The following OPRM1 variants were observed in gnomAD, a reference collection of about 807,000 sequenced individuals.
OPRM1 encodes opioid receptor mu 1.
Under a neutral mutation model 31.8 loss-of-function variants are expected in OPRM1, and 27 were observed. The ratio of observed to expected loss-of-function variants is 0.85; its 90% CI spans 0.63 to 1.17. OPRM1 has a LOEUF of 1.17. Among genes scored for constraint, OPRM1 ranks in the 50% most tolerant of loss-of-function variants. The probability of loss-of-function intolerance (pLI) is 0.00; values close to 1 mark genes in which losing one functional copy is unlikely to be tolerated. For missense variants in OPRM1, 536 were observed against 511.1 expected, an observed-to-expected ratio of 1.05 and a Z score of -0.47; for synonymous variants, 196 against 189.9, an observed-to-expected ratio of 1.03 and a Z score of -0.26.
At position 154,048,198 on chromosome 6, in the gene OPRM1, A is replaced by G. The variant is rs527319180; in HGVS notation, c.290+8364A>G. On this transcript the variant is annotated intron_variant, in intron 1 of 3. Coordinates refer to ENST00000330432, the MANE Select transcript of OPRM1 (RefSeq NM_000914.5). ...CACTGAAAACCATTAGTGTGATTTA[A>G]ATTAACGTTTACGTAAATTAGGCCA... Among the ~76,000 whole-genome samples the G allele has an allele frequency of 1.6e-4, 25 of 152,336 alleles. 1 individual carries two copies. The highest frequency in any genetic ancestry group is 1.2e-3 in the Admixed American group (19 of 15,298).
intron 1 of OPRM1, among the ~76,000 whole-genome samples, chr6:154,054,367 C>CAAAAAA (rs1194794442): frequency 1.9e-5 from 1 of 53,040 alleles, no homozygotes; most frequent in Non-Finnish European, 4.1e-5. Flanking sequence ...GACTCCGTCT[C>CAAAAAA]AAAAAAAAAA....
intron 3 of OPRM1, among the ~76,000 whole-genome samples, chr6:154,146,210 G>A (rs966741263): frequency 6.6e-6 from 1 of 152,226 alleles, no homozygotes; most frequent in Non-Finnish European, 1.5e-5. Flanking sequence ...GACCAGCCTG[G>A]CTAACATGGT....
chr6:154,166,189 C>G (rs960867236), intron 3 of OPRM1, among the ~76,000 whole-genome samples: 1 of 152,256 alleles, frequency 6.6e-6, no homozygotes, highest in Non-Finnish European at 1.5e-5. Flanking sequence ...ATAACCGATA[C>G]ACTGACAGAA....
intron 3 of OPRM1, among the ~76,000 whole-genome samples, chr6:154,173,421 G>GA (rs571327714): frequency 2.0e-5 from 3 of 151,994 alleles, no homozygotes; most frequent in African/African-American, 7.2e-5. Context: ...TAAAAACCTT[G>GA]AAAAAAAGAT....
intron 3 of OPRM1, among the ~76,000 whole-genome samples, chr6:154,194,674 G>A (rs761458013): frequency 1.3e-5 from 2 of 152,082 alleles, no homozygotes; most frequent in Non-Finnish European, 2.9e-5. Flanking sequence ...AGGAAAAATT[G>A]TAGGAAGTAG....
chr6:154,069,894 TGCA>T (rs1434739892), intron 1 of OPRM1, among the ~76,000 whole-genome samples: 33 of 152,200 alleles, frequency 2.2e-4, no homozygotes, highest in Admixed American at 1.3e-4. Flanking sequence ...TCCTTGTATA[TGCA>T]GTTGCTTTTG....
intron 1 of OPRM1, among the ~76,000 whole-genome samples, chr6:154,070,371 G>A (rs1342924621): frequency 6.6e-6 from 1 of 152,214 alleles, no homozygotes; most frequent in Non-Finnish European, 1.5e-5. Flanking sequence ...GACAGACTAT[G>A]CCAATGCAGT....
rs34786795 is a variant in OPRM1, at chr6:154,019,182, CT to C, written c.-1+8179del. 4.7e-3 allele frequency among the ~76,000 whole-genome samples: 599 copies of C among 126,814 alleles called. 1 individual carries two copies. Among genetic ancestry groups the C allele is most frequent in the Middle Eastern group, 0.022 (5 of 230 alleles). The allele number at this position is 126,814 out of a possible 152,430, so 83.2% of individuals were successfully genotyped here. ...GATTGACTGTAGTCACCCTGTTGTG[CT>C]TTTTTTTTTTTTTTGGCTTACTGAT... On this transcript the variant is annotated intron_variant, in intron 1 of 5. Transcript: ENST00000434900.
At chr6:154,061,264 A>G (rs1006871980) in intron 1 of OPRM1, among the ~76,000 whole-genome samples, 3 of 152,110 alleles carry the variant, frequency 2.0e-5, no homozygotes, top group African/African-American at 7.2e-5. Context: ...ACAAATTTGG[A>G]ATAATTGCAA....
chr6:154,171,915 A>G (rs1043534053), intron 3 of OPRM1, among the ~76,000 whole-genome samples: 1 of 152,250 alleles, frequency 6.6e-6, no homozygotes, highest in African/African-American at 2.4e-5. Context: ...ATAAACACAT[A>G]GCTTTCAATA....
intron 1 of OPRM1, among the ~76,000 whole-genome samples, chr6:154,066,071 G>C (rs895305761): frequency 2.0e-5 from 3 of 152,072 alleles, no homozygotes; most frequent in Admixed American, 1.3e-4. Context: ...ATATTACATT[G>C]ATTGGTATTC....
intron 3 of OPRM1, among the ~76,000 whole-genome samples, chr6:154,099,692 G>C (rs1794189738): frequency 1.8e-5 from 1 of 55,650 alleles, no homozygotes; most frequent in African/African-American, 7.9e-5. Context: ...TATATGATGT[G>C]GGTAGGGGAG....
chr6:154,081,202 T>G (rs929499261), intron 1 of OPRM1, among the ~76,000 whole-genome samples: 1 of 152,026 alleles, frequency 6.6e-6, no homozygotes, highest in Non-Finnish European at 1.5e-5. Context: ...AACCATGGAT[T>G]GTAAGAAAAT....
At chr6:154,041,346 T>C (rs1227281254) in intron 1 of OPRM1, among the ~76,000 whole-genome samples, 2 of 152,226 alleles carry the variant, frequency 1.3e-5, no homozygotes, top group Non-Finnish European at 2.9e-5. Context: ...AAACATTTAC[T>C]TTAAGTAATT....
At chr6:154,152,370 A>AAGAAAGAAAGAAAGAAAGAAAGAAAG (rs1798554738) in intron 3 of OPRM1, among the ~76,000 whole-genome samples, 39 of 148,568 alleles carry the variant, frequency 2.6e-4, no homozygotes, top group African/African-American at 1.0e-3. Flanking sequence ...GAAAGAAAGA[A>AAGAAAGAAAGAAAGAAAGAAAGAAAG]AGAAAGAAAG....
At chr6:154,061,091 T>C (rs879770116) in intron 1 of OPRM1, among the ~76,000 whole-genome samples, 18 of 152,304 alleles carry the variant, frequency 1.2e-4, no homozygotes, top group East Asian at 5.8e-4. Context: ...GGCAGGCTAA[T>C]TGGAGATACT....
chr6:154,139,283 G>A (rs564689189), intron 3 of OPRM1, among the ~76,000 whole-genome samples: 1 of 152,328 alleles, frequency 6.6e-6, no homozygotes, highest in Admixed American at 6.5e-5. Flanking sequence ...TGTGTCGCTG[G>A]TATCAGAGTC....
intron 1 of OPRM1, among the ~76,000 whole-genome samples, chr6:154,028,093 CACTT>C (rs955268828): frequency 1.1e-4 from 16 of 152,340 alleles, no homozygotes; most frequent in Admixed American, 9.8e-4. Context: ...TGCTGAGTCT[CACTT>C]GAAGCCATCA....
At position 154,152,442 on chromosome 6, in the gene OPRM1, TG is replaced by T. The variant is rs1367637784; in HGVS notation, c.1164+60971del. ...ACACAGGTCAGGACCAATGAAATTC[TG>T]TATTTATCCATGCATTTCAACAGCA... On this transcript the variant is annotated intron_variant, in intron 3 of 3. Transcript: ENST00000337049. Among the ~76,000 whole-genome samples the T allele has an allele frequency of 5.6e-4, 86 of 152,218 alleles. 1 individual carries two copies. Among genetic ancestry groups the T allele is most frequent in the African/African-American group, 2.0e-3 (83 of 41,536 alleles).
Sources: gnomAD v4.1 joint callset for allele counts (sites outside exome capture counted in the v4.1 genomes callset) on GRCh38, gnomAD v4.1.1 for gene constraint, MANE v1.5 for transcripts, NCBI Gene and HGNC (gene_info 2026-07-23, HGNC 2026-07-21) for gene names.